The following HEATR3 variants were observed in gnomAD, a reference collection of about 807,000 sequenced individuals.
The protein encoded by HEATR3 is HEAT repeat-containing protein 3.
In HEATR3, 56 loss-of-function variants were observed where a neutral mutation model predicts 72.8. The observed-to-expected ratio is 0.77, with a 90% CI of 0.62 to 0.96. The LOEUF is 0.96. Ranked by LOEUF, HEATR3 falls within the 40% of genes least tolerant of loss-of-function variation. HEATR3 has a pLI of 0.00. For synonymous variants in HEATR3, 331 were observed against 318.1 expected, an observed-to-expected ratio of 1.04 and a Z score of -0.43; for missense variants, 747 against 831.4, an observed-to-expected ratio of 0.90 and a Z score of 1.25.
chr16:50,066,379 A>T lies in HEATR3; in HGVS notation c.151A>T (p.Ser51Cys). 1 of 1,548,072 alleles carries T rather than the reference A, an allele frequency of 6.5e-7. No individual in the cohort carries two copies. The highest frequency in any genetic ancestry group is 1.2e-5 in the South Asian group (1 of 85,270). The stretch of plus-strand genomic sequence containing the variant: ...CTCTCATCCGCAGCTCCAGCACCCG[A>T]GCGCCGAGGTCCGCGAGTGCGCCTG... The part of the protein sequence containing the change: ...AELLEKLQHP[S>C]AEVRECACAG... The change falls in exon 2 of 15, where the codon AGC (serine) becomes TGC (cysteine). Residue 51 changes from serine (S) to cysteine (C), a missense_variant. By Grantham distance (112) the Ser-to-Cys change is moderately radical (BLOSUM62 -1). Transcript: ENST00000299192.
chr16:50,079,458 C>G (rs2036817390), intron 7 of HEATR3, among the ~76,000 whole-genome samples: 1 of 152,120 alleles, frequency 6.6e-6, no homozygotes, highest in Non-Finnish European at 1.5e-5. Flanking sequence ...CTTCATTTAT[C>G]CAGTACTGAT....
chr16:50,087,823 G>A (rs965787782), intron 11 of HEATR3, among the ~76,000 whole-genome samples: 3 of 152,104 alleles, frequency 2.0e-5, no homozygotes, highest in Non-Finnish European at 4.4e-5. Flanking sequence ...TTAAGTCCAA[G>A]AATTGAACTC....
intron 11 of HEATR3, among the ~76,000 whole-genome samples, chr16:50,089,879 C>T (rs2037071137): frequency 6.6e-6 from 1 of 152,034 alleles, no homozygotes; most frequent in Non-Finnish European, 1.5e-5. Flanking sequence ...GTTGGTCAGG[C>T]TGGTCTTGAA....
chr16:50,084,279 C>T lies in HEATR3; in HGVS notation c.1278C>T (p.Leu426=), dbSNP rs2036939548. The change falls in exon 9 of 15, where the codon CTC becomes CTT. Residue 426 remains leucine, a synonymous_variant. Transcript: ENST00000299192. ...TTCACACGGCTCTCACCAACTACCT[C>T]ATCCCAAAGAAGGTAATCCATTTTC... ...HEVHTALTNY[L]IPKKIFEKTA... The T allele has an allele frequency of 1.2e-6, 2 of 1,613,760 alleles. No individual in the cohort carries two copies. The highest frequency in any genetic ancestry group is 1.7e-6 in the Non-Finnish European group (2 of 1,179,962).
intron 11 of HEATR3, among the ~76,000 whole-genome samples, chr16:50,088,268 A>G (rs1439160301): frequency 2.0e-5 from 3 of 152,234 alleles, no homozygotes; most frequent in Admixed American, 1.3e-4. Context: ...TTAATGGTAC[A>G]TGTTTTTTAA....
chr16:50,072,435 T>C (rs941764260), intron 4 of HEATR3, among the ~76,000 whole-genome samples, 170 bp from the exon 5 acceptor site: 1 of 152,254 alleles, frequency 6.6e-6, no homozygotes, highest in East Asian at 1.9e-4. Context: ...CCAGTTCTCA[T>C]GTACAGTGAA....
intron 4 of HEATR3, among the ~76,000 whole-genome samples, chr16:50,071,854 T>G (rs1017480986): frequency 6.6e-6 from 1 of 152,252 alleles, no homozygotes; most frequent in East Asian, 1.9e-4. Flanking sequence ...GATACAATTA[T>G]TACAATTAGC....
chr16:50,066,352 C>G lies in HEATR3; in HGVS notation c.139-15C>G, dbSNP rs1450833459. 25 of 1,554,454 alleles carry G rather than the reference C, an allele frequency of 1.6e-5. No homozygotes were observed. Among genetic ancestry groups the G allele is most frequent in the Non-Finnish European group, 2.2e-5 (25 of 1,160,852 alleles). ...GCATTGCGCGCCTTCTGACCCTTTT[C>G]GCTCTCATCCGCAGCTCCAGCACCC... On this transcript the variant is annotated splice_polypyrimidine_tract_variant and intron_variant, in intron 1 of 14. Coordinates refer to ENST00000299192, the MANE Select transcript of HEATR3 (RefSeq NM_182922.4).
intron 5 of HEATR3, among the ~76,000 whole-genome samples, chr16:50,075,232 G>A (rs990716488): frequency 1.4e-5 from 2 of 147,916 alleles, no homozygotes; most frequent in African/African-American, 2.5e-5. Context: ...CACAGGAATC[G>A]TTTGAACCTG....
chr16:50,066,431 A>C lies in HEATR3; in HGVS notation c.203A>C (p.Gln68Pro). The C allele has an allele frequency of 1.4e-6, 2 of 1,466,336 alleles. No homozygotes were observed. Among genetic ancestry groups the C allele is most frequent in the African/African-American group, 1.5e-5 (1 of 68,230 alleles). 90.8% of individuals were successfully genotyped at this position (1,466,336 alleles called of 1,614,324 possible). A position where few individuals can be genotyped will look rare whatever the true frequency, so the allele number is the denominator to read the frequency against. ...ACAGLARLVQ[Q>P]RPALPGLARR... Reference sequence around the variant, plus strand: ...GCAGGGCTGGCCCGGCTGGTGCAGCAGCGGCCGGCACTCCCGGGCCTGGCG... The same window carrying C: ...GCAGGGCTGGCCCGGCTGGTGCAGCCGCGGCCGGCACTCCCGGGCCTGGCG... The change falls in exon 2 of 15, where the codon CAG becomes CCG. Residue 68 changes from glutamine (Q) to proline (P), a missense_variant. Gln to Pro is a moderately conservative substitution (Grantham distance 76). Transcript: ENST00000299192.
chr16:50,076,102 T>G (rs1485452296), intron 6 of HEATR3, among the ~76,000 whole-genome samples: 4 of 152,186 alleles, frequency 2.6e-5, no homozygotes, highest in African/African-American at 7.2e-5. Flanking sequence ...CTGTTTAGTA[T>G]GTACTTTATT....
intron 4 of HEATR3, among the ~76,000 whole-genome samples, chr16:50,071,488 A>T (rs1187147874): frequency 6.6e-6 from 1 of 152,236 alleles, no homozygotes; most frequent in Non-Finnish European, 1.5e-5. Context: ...GGAAGTTTTT[A>T]AAAAATTTCC....
At chr16:50,071,798 G>A (rs2036618333) in intron 4 of HEATR3, among the ~76,000 whole-genome samples, 1 of 152,190 alleles carries the variant, frequency 6.6e-6, no homozygotes, top group African/African-American at 2.4e-5. Context: ...TATGTTATAT[G>A]TATGGAGGAA....
intron 11 of HEATR3, among the ~76,000 whole-genome samples, chr16:50,087,917 G>A (rs2037023257): frequency 6.6e-6 from 1 of 152,012 alleles, no homozygotes; most frequent in South Asian, 2.1e-4. Context: ...ACCTGAGGTT[G>A]GGAGTTCGAG....
chr16:50,085,645 A>G (rs2036971014), intron 10 of HEATR3, among the ~76,000 whole-genome samples: 1 of 151,444 alleles, frequency 6.6e-6, no homozygotes, highest in African/African-American at 2.4e-5. Flanking sequence ...AGAAAATTAT[A>G]ATTTTAAGGA....
intron 5 of HEATR3, 73 bp downstream of exon 5, chr16:50,072,787 T>G (rs2036642065): frequency 1.1e-6 from 1 of 893,078 alleles, no homozygotes; most frequent in African/African-American, 1.6e-5. Context: ...AGCTTTGGCG[T>G]GTTTATTCCA....
At chr16:50,090,096 C>A (rs2037075641) in intron 11 of HEATR3, among the ~76,000 whole-genome samples, 1 of 152,120 alleles carries the variant, frequency 6.6e-6, no homozygotes, top group Admixed American at 6.5e-5. Flanking sequence ...TGGCTCACAC[C>A]TGAAGTCCCA....
At chr16:50,072,537 A>G (rs971739901) in intron 4 of HEATR3, 68 bp from the exon 5 acceptor site, 2 of 989,620 alleles carry the variant, frequency 2.0e-6, no homozygotes, top group East Asian at 2.4e-5. Flanking sequence ...TTTTTTATGG[A>G]TTGCTATGGT....
At chr16:50,075,313 C>A (rs201899975) in intron 5 of HEATR3, among the ~76,000 whole-genome samples, 2,493 of 120,588 alleles carry the variant, frequency 0.021, no homozygotes, top group Non-Finnish European at 0.022. Context: ...AAGACTGTCT[C>A]AAAAAAAAAA....
Sources: gnomAD v4.1 joint callset for allele counts (sites outside exome capture counted in the v4.1 genomes callset) on GRCh38, gnomAD v4.1.1 for gene constraint, MANE v1.5 for transcripts, NCBI Gene and HGNC (gene_info 2026-07-23, HGNC 2026-07-21) for gene names.